MAP3K2: variants seen among roughly 807,000 people sequenced by gnomAD.
MAP3K2 encodes the protein mitogen-activated protein kinase kinase kinase 2, also known as MAP/ERK kinase kinase 2.
A neutral mutation model predicts 80.3 loss-of-function variants in MAP3K2; 24 were observed. The observed-to-expected ratio is 0.30, with a 90% CI of 0.22 to 0.42. The LOEUF (loss-of-function observed/expected upper bound fraction) is 0.42, where lower values mean the gene tolerates loss of function less well. Ranked by LOEUF, MAP3K2 falls within the 10% of genes least tolerant of loss-of-function variation. The probability of loss-of-function intolerance (pLI) is 1.00; values close to 1 mark genes in which losing one functional copy is unlikely to be tolerated. For missense variants in MAP3K2, 608 were observed against 750.1 expected, an observed-to-expected ratio of 0.81 and a Z score of 2.21; for synonymous variants, 244 against 253.7, an observed-to-expected ratio of 0.96 and a Z score of 0.36.
intron 8 of MAP3K2, 40 bp from the exon 9 acceptor site, chr2:127,325,847 T>A: frequency 7.1e-7 from 1 of 1,400,866 alleles, no homozygotes. Flanking sequence ...CAATTTGATA[T>A]AACCAAAAGT....
intron 1 of MAP3K2, among the ~76,000 whole-genome samples, chr2:127,376,754 T>C (rs924655751): frequency 6.6e-6 from 1 of 152,158 alleles, no homozygotes; most frequent in African/African-American, 2.4e-5. Flanking sequence ...CTCAGAATAA[T>C]AGTCTACAAC....
At chr2:127,366,081 T>C (rs1686965675) in intron 1 of MAP3K2, among the ~76,000 whole-genome samples, 1 of 152,212 alleles carries the variant, frequency 6.6e-6, no homozygotes, top group African/African-American at 2.4e-5. Flanking sequence ...AGTTCTGCAC[T>C]GTCCTCCTTT....
intron 2 of MAP3K2, among the ~76,000 whole-genome samples, chr2:127,340,730 A>AT (rs960945831): frequency 2.3e-4 from 35 of 149,360 alleles, no homozygotes; most frequent in African/African-American, 7.8e-4. Context: ...TTCTTTTTTT[A>AT]TTTTTTTGTA....
chr2:127,308,802 G>A, intron 15 of MAP3K2, 40 bp from the exon 16 acceptor site: 1 of 1,587,384 alleles, frequency 6.3e-7, no homozygotes, highest in Non-Finnish European at 8.6e-7. Context: ...AATTTTATTG[G>A]CAGTCTCGAA....
chr2:127,342,647 CA>C (rs1686518746), intron 2 of MAP3K2, among the ~76,000 whole-genome samples: 3 of 147,978 alleles, frequency 2.0e-5, no homozygotes, highest in Admixed American at 1.4e-4. Context: ...ACCCTTAACA[CA>C]AAGGAGAAAA....
intron 1 of MAP3K2, among the ~76,000 whole-genome samples, chr2:127,369,467 C>CT (rs1491482117): frequency 1.3e-4 from 4 of 30,754 alleles, no homozygotes; most frequent in Admixed American, 5.8e-4. Context: ...CCCGTCTCTA[C>CT]TAAAAAAAAA....
At chr2:127,359,641 TG>T (rs1167112384) in intron 1 of MAP3K2, among the ~76,000 whole-genome samples, 1 of 152,190 alleles carries the variant, frequency 6.6e-6, no homozygotes, top group Non-Finnish European at 1.5e-5. Flanking sequence ...TGCTGCAGCC[TG>T]GTGGGAGGTG....
rs1392040011 is a variant in MAP3K2 at position 127,306,080 on chromosome 2, G to A, written c.*1499C>T. On this transcript the variant is annotated 3_prime_UTR_variant, in exon 17 of 17. Coordinates refer to ENST00000682094, the MANE Select transcript of MAP3K2 (RefSeq NM_001371910.2). The surrounding 1 kb of genome is among the most constrained non-coding windows in gnomAD (Gnocchi z 4.7). ...GCAATATGCAGCTGGTAAAGTGATT[G>A]CTATTTGCTGTTTGTTGAGATTATT... The A allele has an allele frequency of 6.6e-6, 1 of 152,100 alleles. No individual in the cohort carries two copies. Among genetic ancestry groups the A allele is most frequent in the Non-Finnish European group, 1.5e-5 (1 of 67,980 alleles). 9.4% of individuals were successfully genotyped at this position (152,100 alleles called of 1,614,324 possible). A position where few individuals can be genotyped will look rare whatever the true frequency, so the allele number is the denominator to read the frequency against.
intron 12 of MAP3K2, among the ~76,000 whole-genome samples, chr2:127,320,286 G>T (rs762661472): frequency 6.6e-6 from 1 of 152,110 alleles, no homozygotes; most frequent in Middle Eastern, 3.2e-3. Flanking sequence ...ACAGAGCGAT[G>T]GAAACTACAG....
chr2:127,299,586 T>C lies in MAP3K2; in HGVS notation c.*7993A>G, dbSNP rs1685551753. 1 of 152,166 alleles carries C rather than the reference T, an allele frequency of 6.6e-6. No homozygotes were observed. The highest frequency in any genetic ancestry group is 1.5e-5 in the Non-Finnish European group (1 of 67,994). 9.4% of individuals were successfully genotyped at this position (152,166 alleles called of 1,614,324 possible). A position where few individuals can be genotyped will look rare whatever the true frequency, so the allele number is the denominator to read the frequency against. Reference sequence around the variant, plus strand: ...AGCTCTGAGAATTCAAAGGCCATTTTTAGCGGTGTGTTTTTGCTACTGCTT... The same window carrying C: ...AGCTCTGAGAATTCAAAGGCCATTTCTAGCGGTGTGTTTTTGCTACTGCTT... On this transcript the variant is annotated 3_prime_UTR_variant, in exon 17 of 17. Transcript: ENST00000682094.
At position 127,335,863 on chromosome 2, in the gene MAP3K2, T is replaced by C; in HGVS notation, c.264+7A>G. 2 of 1,484,060 alleles carry C rather than the reference T, an allele frequency of 1.3e-6. No individual in the cohort carries two copies. Among genetic ancestry groups the C allele is most frequent in the Non-Finnish European group, 1.8e-6 (2 of 1,081,976 alleles). 91.9% of individuals were successfully genotyped at this position (1,484,060 alleles called of 1,614,324 possible). Reference sequence around the variant, plus strand: ...AGATCTACTAAAGTTAAACTGTACATGTTTACCTCGTTATTGGTATAATGT... The same window carrying C: ...AGATCTACTAAAGTTAAACTGTACACGTTTACCTCGTTATTGGTATAATGT... On this transcript the variant is annotated splice_region_variant and intron_variant, in intron 5 of 16. Transcript: ENST00000682094.
At chr2:127,337,018 T>G (rs962466228) in intron 4 of MAP3K2, among the ~76,000 whole-genome samples, 3 of 152,114 alleles carry the variant, frequency 2.0e-5, no homozygotes, top group African/African-American at 7.2e-5. Flanking sequence ...GGCTGTTGCC[T>G]GCAATCCCAG....
At chr2:127,356,188 T>G (rs1267361251) in intron 1 of MAP3K2, among the ~76,000 whole-genome samples, 1 of 152,128 alleles carries the variant, frequency 6.6e-6, no homozygotes, top group Non-Finnish European at 1.5e-5. Flanking sequence ...TAATGTTTAT[T>G]TTTTTACCTC....
At chr2:127,348,399 TAAAC>T (rs1245078417) in intron 1 of MAP3K2, among the ~76,000 whole-genome samples, 7 of 151,852 alleles carry the variant, frequency 4.6e-5, no homozygotes, top group Non-Finnish European at 1.5e-5. Context: ...AATAAATAAA[TAAAC>T]AAATAAATAA....
chr2:127,368,232 GA>G (rs1363969651), intron 1 of MAP3K2, among the ~76,000 whole-genome samples: 2 of 151,978 alleles, frequency 1.3e-5, no homozygotes, highest in East Asian at 3.9e-4. Context: ...TGAGGCACAA[GA>G]ATCACTTGAA....
Position 127,322,160 on chromosome 2 carries a change from T to C in MAP3K2, c.931A>G (p.Ser311Gly), listed in dbSNP as rs368071379. 2 of 1,613,838 alleles carry C rather than the reference T, an allele frequency of 1.2e-6. No individual in the cohort carries two copies. Among genetic ancestry groups the C allele is most frequent in the Admixed American group, 1.7e-5 (1 of 60,020 alleles). ...FSPTDHSLST[S>G]SGSSIFTPEY... The stretch of plus-strand genomic sequence containing the variant: ...GGGGTAAAGATACTGCTTCCACTAC[T>C]AGTGCTTAAGGAATGATCAGTAGGA... The change falls in exon 12 of 17, where the codon AGT becomes GGT. Residue 311 changes from serine to glycine, a missense_variant. By Grantham distance (56) the Ser-to-Gly change is moderately conservative. This residue lies in a region of MAP3K2 where 467 missense variants were observed against 521.9 expected (regional missense o/e 0.89). Coordinates refer to ENST00000682094, the MANE Select transcript of MAP3K2 (RefSeq NM_001371910.2). This position sits in a 1 kb window ranked among gnomAD's most constrained non-coding sequence, Gnocchi z 4.2.
At chr2:127,382,724 C>T (rs1687267128) in intron 1 of MAP3K2, among the ~76,000 whole-genome samples, 1 of 152,202 alleles carries the variant, frequency 6.6e-6, no homozygotes, top group Non-Finnish European at 1.5e-5. Context: ...CAGGGTTTCA[C>T]CATGTTGGTC....
intron 9 of MAP3K2, among the ~76,000 whole-genome samples, chr2:127,324,775 TA>T (rs1686096672): frequency 6.6e-6 from 1 of 152,206 alleles, no homozygotes; most frequent in Non-Finnish European, 1.5e-5. Context: ...CAATATTAGT[TA>T]TTTTTTTCAG....
At chr2:127,323,221 G>T (rs545960507) in intron 11 of MAP3K2, among the ~76,000 whole-genome samples, 1 of 152,012 alleles carries the variant, frequency 6.6e-6, no homozygotes, top group South Asian at 2.1e-4. Context: ...TGGCCAACAT[G>T]GCAAAACCCC....
Sources: gnomAD v4.1 joint callset for allele counts (sites outside exome capture counted in the v4.1 genomes callset) on GRCh38, gnomAD v4.1.1 for gene constraint, gnomAD v4.1.1 regional missense constraint, Gnocchi (gnomAD v3.1) non-coding constraint, MANE v1.5 for transcripts, NCBI Gene and HGNC (gene_info 2026-07-23, HGNC 2026-07-21) for gene names.